ST8SIA1: variants seen among roughly 807,000 people sequenced by gnomAD.
ST8SIA1 encodes the protein alpha-N-acetylneuraminide alpha-2,8-sialyltransferase.
A neutral mutation model predicts 35.9 loss-of-function variants in ST8SIA1; 16 were observed. That is an observed-to-expected ratio of 0.45 (90% confidence interval 0.30 to 0.68). The LOEUF is 0.68. ST8SIA1 is among the 30% of genes least tolerant of loss of function. ST8SIA1 has a pLI of 0.09. For synonymous variants in ST8SIA1, 170 were observed against 169.6 expected, an observed-to-expected ratio of 1.00 and a Z score of -0.02; for missense variants, 383 against 453.6, an observed-to-expected ratio of 0.84 and a Z score of 1.41.
chr12:22,310,420 T>C (rs12301178), intron 1 of ST8SIA1, among the ~76,000 whole-genome samples: 5,963 of 152,064 alleles, frequency 0.039, 360 homozygotes, highest in African/African-American at 0.13. Context: ...AAGTGGCAGG[T>C]TCCCCCTGTG....
At chr12:22,235,097 A>G (rs961845357) in intron 4 of ST8SIA1, among the ~76,000 whole-genome samples, 1 of 152,162 alleles carries the variant, frequency 6.6e-6, no homozygotes, top group Non-Finnish European at 1.5e-5. Context: ...AGAGATTCAG[A>G]TATGAAAGCT....
intron 4 of ST8SIA1, among the ~76,000 whole-genome samples, chr12:22,244,955 T>C (rs1018396770): frequency 6.6e-6 from 1 of 152,242 alleles, no homozygotes; most frequent in Non-Finnish European, 1.5e-5. Context: ...TTTATATCTA[T>C]GTGGAAATAT....
At chr12:22,320,880 GAGAA>G (rs571611452) in intron 1 of ST8SIA1, among the ~76,000 whole-genome samples, 24 of 143,370 alleles carry the variant, frequency 1.7e-4, no homozygotes, top group South Asian at 9.0e-4. Flanking sequence ...AAGAAAGAAA[GAGAA>G]AGAAAGAAAG....
chr12:22,229,604 A>G (rs2120687512), intron 4 of ST8SIA1, among the ~76,000 whole-genome samples: 1 of 137,364 alleles, frequency 7.3e-6, no homozygotes, highest in Middle Eastern at 3.6e-3. Context: ...TAACAGAGCA[A>G]GACCGGGTTT....
chr12:22,217,827 G>T (rs1865251117), intron 4 of ST8SIA1, among the ~76,000 whole-genome samples: 2 of 152,108 alleles, frequency 1.3e-5, no homozygotes, highest in African/African-American at 4.8e-5. Context: ...CCCTTCCAAA[G>T]AAATAAGCAT....
chr12:22,317,549 T>C (rs866533944), intron 1 of ST8SIA1, among the ~76,000 whole-genome samples: 1 of 152,192 alleles, frequency 6.6e-6, no homozygotes, highest in Non-Finnish European at 1.5e-5. Flanking sequence ...TCACTGGCTA[T>C]CAACCAGAAC....
At chr12:22,216,193 A>G (rs1342301136) in intron 4 of ST8SIA1, among the ~76,000 whole-genome samples, 1 of 152,154 alleles carries the variant, frequency 6.6e-6, no homozygotes, top group Non-Finnish European at 1.5e-5. Flanking sequence ...TCGGTCTCTA[A>G]CGCATAATTC....
intron 2 of ST8SIA1, among the ~76,000 whole-genome samples, chr12:22,279,280 C>G (rs1866006589): frequency 6.6e-6 from 1 of 152,196 alleles, no homozygotes; most frequent in African/African-American, 2.4e-5. Flanking sequence ...AGGTATGGCT[C>G]TAGTAACTTG....
chr12:22,296,169 C>G (rs927203005), intron 1 of ST8SIA1, among the ~76,000 whole-genome samples: 1 of 152,064 alleles, frequency 6.6e-6, no homozygotes, highest in Non-Finnish European at 1.5e-5. Context: ...AGGAAACCAG[C>G]GAATCTAGAA....
chr12:22,239,647 T>C (rs1245688059), intron 4 of ST8SIA1, among the ~76,000 whole-genome samples: 1 of 152,256 alleles, frequency 6.6e-6, no homozygotes, highest in Admixed American at 6.5e-5. Context: ...ATTCATCTGG[T>C]ACTTTTTGTT....
intron 4 of ST8SIA1, among the ~76,000 whole-genome samples, chr12:22,207,524 C>G (rs886683784): frequency 2.6e-5 from 4 of 152,052 alleles, no homozygotes; most frequent in Non-Finnish European, 4.4e-5. Flanking sequence ...TGGAACATAA[C>G]TTGGGGGAGT....
chr12:22,235,798 G>A (rs1286473453), intron 4 of ST8SIA1, among the ~76,000 whole-genome samples: 4 of 151,952 alleles, frequency 2.6e-5, no homozygotes, highest in Non-Finnish European at 5.9e-5. Flanking sequence ...TCCCTAGGAG[G>A]GTTATATTCT....
intron 1 of ST8SIA1, among the ~76,000 whole-genome samples, chr12:22,290,834 G>A (rs867648931): frequency 2.0e-5 from 3 of 152,192 alleles, no homozygotes; most frequent in East Asian, 1.9e-4. Context: ...CATGCTTTGC[G>A]CTGATGCTGT....
chr12:22,293,032 C>T (rs1176174022), intron 1 of ST8SIA1, among the ~76,000 whole-genome samples: 1 of 152,206 alleles, frequency 6.6e-6, no homozygotes, highest in Admixed American at 6.5e-5. Flanking sequence ...GAAGTCAATT[C>T]CTTATAGTTT....
At chr12:22,274,750 CTAGGTTGACGTA>C (rs1429194960) in intron 2 of ST8SIA1, among the ~76,000 whole-genome samples, 1 of 152,132 alleles carries the variant, frequency 6.6e-6, no homozygotes, top group Non-Finnish European at 1.5e-5. Flanking sequence ...CTGGATTGAC[CTAGGTTGACGTA>C]ACTTGATGCC....
chr12:22,322,963 G>A (rs1468399916), intron 1 of ST8SIA1, among the ~76,000 whole-genome samples: 3 of 152,096 alleles, frequency 2.0e-5, no homozygotes, highest in Non-Finnish European at 4.4e-5. Flanking sequence ...TGAAGTAAAA[G>A]TTCATTTTCC....
intron 3 of ST8SIA1, among the ~76,000 whole-genome samples, chr12:22,253,071 G>A (rs1865692009): frequency 6.6e-6 from 1 of 152,130 alleles, no homozygotes; most frequent in South Asian, 2.1e-4. Context: ...CAATGATACG[G>A]TATTCATACA....
chr12:22,321,003 G>GAAAGAAAGAAAGAAGA (rs377218947), intron 1 of ST8SIA1, among the ~76,000 whole-genome samples: 2 of 76,564 alleles, frequency 2.6e-5, no homozygotes, highest in Non-Finnish European at 5.3e-5. Flanking sequence ...AAGAAAGAAA[G>GAAAGAAAGAAAGAAGA]AAGAAAGAAA....
chr12:22,287,657 T>G (rs750878123), intron 1 of ST8SIA1, among the ~76,000 whole-genome samples: 17 of 152,194 alleles, frequency 1.1e-4, no homozygotes, highest in Non-Finnish European at 2.4e-4. Context: ...TTGGAGACTG[T>G]TGAGCTATTC....
Sources: allele counts gnomAD v4.1 joint callset (sites outside exome capture counted in the v4.1 genomes callset), GRCh38; gene constraint gnomAD v4.1.1; transcripts MANE v1.5; gene names NCBI Gene and HGNC (gene_info 2026-07-23, HGNC 2026-07-21).